The following ECT2L variants were observed in gnomAD, a reference collection of about 807,000 sequenced individuals.
ECT2L encodes epithelial cell-transforming sequence 2 oncogene-like.
A neutral mutation model predicts 122.8 loss-of-function variants in ECT2L; 126 were observed. The ratio of observed to expected loss-of-function variants is 1.03; its 90% CI spans 0.89 to 1.19. The LOEUF (loss-of-function observed/expected upper bound fraction) is 1.19. ECT2L is among the 50% of genes most tolerant of loss of function. The pLI is 0.00. For missense variants in ECT2L, 1,012 were observed against 1,064.1 expected (o/e 0.95, Z 0.68); for synonymous variants, 385 against 381.8 (o/e 1.01, Z -0.10).
intron 12 of ECT2L, 102 bp from the exon 13 acceptor site, chr6:138,868,001 A>T: frequency 2.5e-6 from 1 of 393,060 alleles, no homozygotes; most frequent in Non-Finnish European, 3.8e-6. Context: ...TTCTGTCTCA[A>T]AAAAAAAAAA....
rs768864069 is a variant in ECT2L at position 138,838,386 on chromosome 6, G to A, written c.214G>A (p.Val72Met). The A allele has an allele frequency of 6.2e-7, 1 of 1,610,290 alleles. No individual in the cohort carries two copies. The highest frequency in any genetic ancestry group is 1.7e-5 in the Admixed American group (1 of 59,296). ...AGACTGGTTTTCAGAAAGGATGCAA[G>A]TGGCCAAAGTGGACTTCTCTACAGT... The part of the protein sequence containing the change: ...VQDWFSERMQ[V>M]AKVDFSTVLP... The change falls in exon 5 of 22, where the codon GTG (valine) becomes ATG (methionine). Residue 72 changes from valine to methionine, a missense_variant. Transcript: ENST00000541398.
intron 4 of ECT2L, among the ~76,000 whole-genome samples, chr6:138,815,920 G>A (rs1776052670): frequency 1.3e-5 from 2 of 152,156 alleles, no homozygotes; most frequent in South Asian, 4.1e-4. Flanking sequence ...TCACCTGTCA[G>A]CTACTCCTGC....
At chr6:138,864,922 G>A in intron 11 of ECT2L, 74 bp from the exon 12 acceptor site, 1 of 1,401,468 alleles carries the variant, frequency 7.1e-7, no homozygotes, top group Non-Finnish European at 9.7e-7. Context: ...AGATTTTGTT[G>A]TACTTTAAAC....
rs1160855131 is a variant in ECT2L at position 138,865,092 on chromosome 6, TC to T, written c.1390del (p.Leu464Ter). ...CAGACGTGGTCCAGCTTCACAGACT[TC>T]CTAGAAGAAACCTTGAAAACAGTAA... ...KLQTWSSFTD[F>X]LEETLKTVRK... On this transcript the variant is annotated frameshift_variant, in exon 12 of 22. Transcript: ENST00000541398. LOFTEE classifies it high-confidence loss of function. The T allele has an allele frequency of 5.6e-6, 9 of 1,613,968 alleles. No homozygotes were observed. The highest frequency in any genetic ancestry group is 1.3e-5 in the African/African-American group (1 of 74,924).
chr6:138,902,252 AC>A (rs1252596264), intron 21 of ECT2L, among the ~76,000 whole-genome samples: 2 of 152,230 alleles, frequency 1.3e-5, no homozygotes, highest in Admixed American at 1.3e-4. Context: ...GAATTAAAAA[AC>A]ATCACATCAT....
chr6:138,896,860 C>A (rs1326421628), intron 20 of ECT2L, among the ~76,000 whole-genome samples: 2 of 152,002 alleles, frequency 1.3e-5, no homozygotes, highest in Non-Finnish European at 2.9e-5. Context: ...GTTGGCCAGG[C>A]TAGTCTCAAA....
intron 20 of ECT2L, among the ~76,000 whole-genome samples, chr6:138,896,541 C>T (rs889672448): frequency 2.0e-5 from 3 of 152,108 alleles, no homozygotes; most frequent in African/African-American, 7.2e-5. Flanking sequence ...TTTGGGGACC[C>T]CAAACGCCAC....
chr6:138,825,619 A>G (rs543084687), intron 4 of ECT2L, among the ~76,000 whole-genome samples: 3 of 152,162 alleles, frequency 2.0e-5, no homozygotes, highest in African/African-American at 7.2e-5. Flanking sequence ...GAATACAGAT[A>G]AGCAAAAAGA....
At chr6:138,826,509 C>G (rs1179450930) in intron 4 of ECT2L, among the ~76,000 whole-genome samples, 3 of 151,920 alleles carry the variant, frequency 2.0e-5, no homozygotes, top group Non-Finnish European at 4.4e-5. Flanking sequence ...AACCTTGACT[C>G]TACTAAAAAT....
intron 1 of ECT2L, among the ~76,000 whole-genome samples, chr6:138,809,294 G>A (rs1167154887): frequency 6.6e-6 from 1 of 152,148 alleles, no homozygotes; most frequent in Non-Finnish European, 1.5e-5. Context: ...CAGCTGCGGG[G>A]CTCATACCTG....
chr6:138,875,069 AGAGT>A lies in ECT2L; in HGVS notation c.1579-1399_1579-1396del, dbSNP rs1778393786. ...ACCACTGCACTCCAGCATGGGTGAA[AGAGT>A]GAGACCCTGTCTCAAAACAAAACAA... On this transcript the variant is annotated intron_variant, in intron 13 of 21. Coordinates refer to ENST00000541398, the MANE Select transcript of ECT2L (RefSeq NM_001077706.3). 2.6e-5 allele frequency among the ~76,000 whole-genome samples: 4 copies of A among 152,332 alleles called. No individual in the cohort carries two copies. In the East Asian group the frequency reaches 5.8e-4, roughly 22 times the overall value.
At position 138,885,659 on chromosome 6, in the gene ECT2L, C is replaced by G. The variant is rs774895121; in HGVS notation, c.2103-15C>G. 8.7e-6 allele frequency: 14 copies of G among 1,613,828 alleles called. No homozygotes were observed. The highest frequency in any genetic ancestry group is 1.2e-5 in the Non-Finnish European group (14 of 1,179,900). On this transcript the variant is annotated splice_polypyrimidine_tract_variant and intron_variant, in intron 17 of 21. Transcript: ENST00000541398. ...CCTTCAGAGACCAGAGCTCCCTTCT[C>G]TATGCCTCATACAGCCTGCCAGAGC...
At chr6:138,857,359 G>A (rs1201263604) in intron 10 of ECT2L, among the ~76,000 whole-genome samples, 1 of 152,150 alleles carries the variant, frequency 6.6e-6, no homozygotes, top group African/African-American at 2.4e-5. Flanking sequence ...TAGAGTTTCA[G>A]ACTCAGTTAA....
rs1424914245 is a variant in ECT2L at position 138,855,067 on chromosome 6, A to T, written c.1198+913A>T. Among the ~76,000 whole-genome samples the T allele has an allele frequency of 2.0e-5, 3 of 152,184 alleles. No individual in the cohort carries two copies. The East Asian group carries it at 5.8e-4, about 29-fold the overall frequency. ...CAAATTTCACAGGACTGTTCAACATATGCAAAGCAAGCCCCCTGGCAGGCT... is the reference window on the plus strand; with the variant it reads ...CAAATTTCACAGGACTGTTCAACATTTGCAAAGCAAGCCCCCTGGCAGGCT... On this transcript the variant is annotated intron_variant, in intron 10 of 21. Transcript: ENST00000541398.
intron 4 of ECT2L, among the ~76,000 whole-genome samples, chr6:138,815,171 T>C (rs1486736466): frequency 6.6e-6 from 1 of 152,190 alleles, no homozygotes; most frequent in Non-Finnish European, 1.5e-5. Context: ...ATGCCCAGGG[T>C]CAGCTCCTGT....
intron 1 of ECT2L, among the ~76,000 whole-genome samples, chr6:138,806,511 CTTTTTTTTT>C (rs57786220): frequency 2.2e-5 from 2 of 89,676 alleles, no homozygotes; most frequent in South Asian, 3.7e-4. Flanking sequence ...AAAATTCACG[CTTTTTTTTT>C]TTTTTTTTTT....
chr6:138,852,491 G>A (rs1777484038), intron 9 of ECT2L, among the ~76,000 whole-genome samples: 1 of 152,128 alleles, frequency 6.6e-6, no homozygotes, highest in African/African-American at 2.4e-5. Context: ...GGGATGAGGG[G>A]AGAGAAGGAA....
chr6:138,868,612 A>G (rs1778134647), intron 13 of ECT2L, among the ~76,000 whole-genome samples: 2 of 152,212 alleles, frequency 1.3e-5, no homozygotes, highest in South Asian at 4.1e-4. Context: ...GATGACGGGA[A>G]AAGGGGCTAG....
rs994734284 is a variant in ECT2L at position 138,868,086 on chromosome 6, T to C, written c.1475-17T>C. On this transcript the variant is annotated splice_polypyrimidine_tract_variant and intron_variant, in intron 12 of 21. Coordinates refer to ENST00000541398, the MANE Select transcript of ECT2L (RefSeq NM_001077706.3). ...TTACATAAATCAATTACAGGGCATGTGGCCTTGTATTTACAGGGCAGTTTA... is the reference window on the plus strand; with the variant it reads ...TTACATAAATCAATTACAGGGCATGCGGCCTTGTATTTACAGGGCAGTTTA... The C allele has an allele frequency of 2.0e-6, 3 of 1,527,392 alleles. No individual in the cohort carries two copies. The highest frequency in any genetic ancestry group is 2.7e-6 in the Non-Finnish European group (3 of 1,112,786). 94.6% of individuals were successfully genotyped at this position (1,527,392 alleles called of 1,614,324 possible). A position where few individuals can be genotyped will look rare whatever the true frequency, so the allele number is the denominator to read the frequency against.
Sources: allele counts gnomAD v4.1 joint callset (sites outside exome capture counted in the v4.1 genomes callset), GRCh38; gene constraint gnomAD v4.1.1; transcripts MANE v1.5; gene names NCBI Gene and HGNC (gene_info 2026-07-23, HGNC 2026-07-21).